ZFPM1: variants seen among roughly 807,000 people sequenced by gnomAD.
ZFPM1 encodes the protein zinc finger protein ZFPM1.
ZFPM1 carries 28 observed loss-of-function variants against 46.3 expected under a neutral mutation model. The observed-to-expected ratio is 0.60, with a 90% CI of 0.45 to 0.83. The LOEUF (loss-of-function observed/expected upper bound fraction) is 0.83. ZFPM1 is among the 40% of genes least tolerant of loss of function. The probability of loss-of-function intolerance (pLI) is 0.00; values close to 1 mark genes in which losing one functional copy is unlikely to be tolerated. For missense variants in ZFPM1, 1,878 were observed against 1,432.4 expected, an observed-to-expected ratio of 1.31 and a Z score of -5.02; for synonymous variants, 957 against 675.9, an observed-to-expected ratio of 1.42 and a Z score of -6.45.
chr16:88,522,779 T>A (rs1372204529), intron 4 of ZFPM1, among the ~76,000 whole-genome samples: 3 of 152,120 alleles, frequency 2.0e-5, no homozygotes, highest in Non-Finnish European at 4.4e-5. Context: ...TCTAGCGTCC[T>A]CCGTGGACCC....
chr16:88,455,752 G>C (rs548894950), intron 1 of ZFPM1, among the ~76,000 whole-genome samples: 1 of 152,204 alleles, frequency 6.6e-6, no homozygotes, highest in African/African-American at 2.4e-5. Flanking sequence ...TGAGATAGGC[G>C]CTTCCATTTA....
chr16:88,508,786 G>A (rs978822425), intron 3 of ZFPM1, among the ~76,000 whole-genome samples: 3 of 152,210 alleles, frequency 2.0e-5, no homozygotes, highest in Non-Finnish European at 4.4e-5. Context: ...GGCCTCAGCT[G>A]CCACCCAGAT....
chr16:88,475,515 G>GC (rs983302631), intron 1 of ZFPM1, among the ~76,000 whole-genome samples: 4 of 151,912 alleles, frequency 2.6e-5, no homozygotes, highest in East Asian at 1.9e-4. Flanking sequence ...CAGGGGTCCG[G>GC]GGGGGGGAGC....
intron 1 of ZFPM1, among the ~76,000 whole-genome samples, chr16:88,457,323 G>C (rs888810395): frequency 6.6e-6 from 1 of 152,264 alleles, no homozygotes; most frequent in Non-Finnish European, 1.5e-5. Flanking sequence ...ATGACCCAGA[G>C]TGGTGGCAGA....
At chr16:88,519,863 GTGGGTAGA>G (rs1323049531) in intron 4 of ZFPM1, among the ~76,000 whole-genome samples, 2 of 151,622 alleles carry the variant, frequency 1.3e-5, no homozygotes, top group African/African-American at 4.9e-5. Flanking sequence ...GTGTGGATGG[GTGGGTAGA>G]TGGGTAGATG....
At chr16:88,508,256 C>T (rs188734448) in intron 3 of ZFPM1, among the ~76,000 whole-genome samples, 53 of 152,238 alleles carry the variant, frequency 3.5e-4, no homozygotes, top group South Asian at 8.3e-4. Flanking sequence ...GAGATTGCAC[C>T]GCTGCACTCC....
At chr16:88,533,051 T>TTCCCCCCCCCCC in intron 9 of ZFPM1, 97 bp from the exon 10 acceptor site, 2 of 1,351,634 alleles carry the variant, frequency 1.5e-6, no homozygotes, top group Non-Finnish European at 2.0e-6. Flanking sequence ...TCTAAACCAC[T>TTCCCCCCCCCCC]CCCGCCCACC....
chr16:88,494,895 G>A (rs572588626), intron 3 of ZFPM1, among the ~76,000 whole-genome samples: 12 of 152,330 alleles, frequency 7.9e-5, no homozygotes, highest in East Asian at 3.9e-4. Context: ...GCCCGGATGC[G>A]AAGGGAAGGA....
chr16:88,488,027 C>T (rs907014609), intron 2 of ZFPM1, among the ~76,000 whole-genome samples: 5 of 152,340 alleles, frequency 3.3e-5, no homozygotes, highest in East Asian at 1.9e-4. Flanking sequence ...TCTTAACCCT[C>T]GCGGAGCCTC....
rs1172150414 is a variant in ZFPM1 at position 88,533,809 on chromosome 16, G to A, written c.1851G>A (p.Ala617=). 9.3e-7 allele frequency: 1 copy of A among 1,073,360 alleles called. No individual in the cohort carries two copies. Among genetic ancestry groups the A allele is most frequent in the Non-Finnish European group, 1.1e-6 (1 of 877,604 alleles). The allele number at this position is 1,073,360 out of a possible 1,614,324, so 66.5% of individuals were successfully genotyped here. A position where few individuals can be genotyped will look rare whatever the true frequency, so the allele number is the denominator to read the frequency against. Residue 617 remains alanine (A), a synonymous_variant, in exon 10 of 10, where the codon GCG becomes GCA. Transcript: ENST00000319555. ...EDAPAARRPK[A]PPGPARAPPG... ...CGCCTGCCGCGCGCAGGCCCAAGGC[G>A]CCCCCCGGCCCGGCCCGCGCGCCCC... is the stretch of plus-strand genomic sequence containing the variant.
intron 1 of ZFPM1, 33 bp downstream of exon 1, chr16:88,453,711 G>T (rs768145456): frequency 1.7e-6 from 2 of 1,171,052 alleles, no homozygotes; most frequent in Non-Finnish European, 2.1e-6. Context: ...TCCCCTCCGC[G>T]CGCCCGACCC....
rs368708408 is a variant in ZFPM1, at chr16:88,501,271, T to C, written c.268+12118T>C. The stretch of plus-strand genomic sequence containing the variant: ...CAGGTACTGGTGATGATGGAGATAG[T>C]GGGCCTGGGTGCGGGGGCCCTCCCG... On this transcript the variant is annotated intron_variant, in intron 3 of 9. Coordinates refer to ENST00000319555, the MANE Select transcript of ZFPM1 (RefSeq NM_153813.3). Among the ~76,000 whole-genome samples, 292 of 56,910 alleles carry C rather than the reference T, an allele frequency of 5.1e-3. 13 individuals carry two copies. The highest frequency in any genetic ancestry group is 0.022 in the Middle Eastern group (1 of 46). 37.3% of individuals were successfully genotyped at this position (56,910 alleles called of 152,430 possible). A position where few individuals can be genotyped will look rare whatever the true frequency, so the allele number is the denominator to read the frequency against.
chr16:88,514,388 C>T lies in ZFPM1; in HGVS notation c.270C>T (p.Asp90=), dbSNP rs147032017. The T allele has an allele frequency of 7.2e-3, 11,188 of 1,563,552 alleles. 232 individuals carry two copies. Among genetic ancestry groups the T allele is most frequent in the Admixed American group, 0.066 (3,497 of 52,900 alleles). The change falls in exon 4 of 10, where the codon GAC becomes GAT. Residue 90 remains aspartate (D), a splice_region_variant and synonymous_variant. Transcript: ENST00000319555. The part of the protein sequence containing the change: ...EEPGSPWSGP[D]ELEPVVQDGQ... ...CATGCCTGCGATGTCTCTCTGCAGA[C>T]GAGCTGGAGCCGGTGGTGCAGGATG...
chr16:88,533,428 G>A lies in ZFPM1; in HGVS notation c.1470G>A (p.Pro490=). ...GGCCCCAGGCCCCGTCGCGGACGCC[G>A]TCGCCGCGCAGCCCCGCCCCGGCCA... ...EPGPQAPSRT[P]SPRSPAPARV... Residue 490 remains proline, a synonymous_variant, in exon 10 of 10, where the codon CCG becomes CCA. Transcript: ENST00000319555. 7.5e-6 allele frequency: 11 copies of A among 1,472,174 alleles called. No individual in the cohort carries two copies. Among genetic ancestry groups the A allele is most frequent in the Admixed American group, 2.5e-5 (1 of 40,030 alleles). The allele number at this position is 1,472,174 out of a possible 1,614,324, so 91.2% of individuals were successfully genotyped here.
chr16:88,510,101 C>T (rs539499464), intron 3 of ZFPM1, among the ~76,000 whole-genome samples: 58 of 152,202 alleles, frequency 3.8e-4, no homozygotes, highest in Middle Eastern at 6.8e-3. Context: ...CTGGCTGCAC[C>T]GGCAGACACA....
At chr16:88,473,108 C>T (rs1304744280) in intron 1 of ZFPM1, among the ~76,000 whole-genome samples, 1 of 152,254 alleles carries the variant, frequency 6.6e-6, no homozygotes, top group Non-Finnish European at 1.5e-5. Flanking sequence ...AGTTGCTTTG[C>T]TGCCTGAGAC....
chr16:88,524,256 C>T (rs1257772903), intron 4 of ZFPM1, among the ~76,000 whole-genome samples: 1 of 152,202 alleles, frequency 6.6e-6, no homozygotes, highest in Non-Finnish European at 1.5e-5. Context: ...CGAGCGCTGC[C>T]CGCCTGGCTC....
chr16:88,467,105 A>G (rs566638721), intron 1 of ZFPM1, among the ~76,000 whole-genome samples: 1 of 152,254 alleles, frequency 6.6e-6, no homozygotes, highest in South Asian at 2.1e-4. Context: ...CAACGGCTAC[A>G]GTGTGCCGAT....
rs908310434 is a variant in ZFPM1 at position 88,469,751 on chromosome 16, C to T, written c.40+16073C>T. Among the ~76,000 whole-genome samples, 4 of 152,058 alleles carry T rather than the reference C, an allele frequency of 2.6e-5. No homozygotes were observed. Among genetic ancestry groups the T allele is most frequent in the African/African-American group, 7.2e-5 (3 of 41,414 alleles). ...AAAATGTGTAAGTGGAAAATAGTGGCGGGGCGAGGAGAGAAAGAGTCTGGG... is the reference window on the plus strand; with the variant it reads ...AAAATGTGTAAGTGGAAAATAGTGGTGGGGCGAGGAGAGAAAGAGTCTGGG... On this transcript the variant is annotated intron_variant, in intron 1 of 9. Transcript: ENST00000319555. This position sits in a 1 kb window ranked among gnomAD's most constrained non-coding sequence, Gnocchi z 4.3.
Sources: gnomAD v4.1 joint callset for allele counts (sites outside exome capture counted in the v4.1 genomes callset) on GRCh38, gnomAD v4.1.1 for gene constraint, Gnocchi (gnomAD v3.1) non-coding constraint, MANE v1.5 for transcripts, NCBI Gene and HGNC (gene_info 2026-07-23, HGNC 2026-07-21) for gene names.